TAB1: variants seen among roughly 807,000 people sequenced by gnomAD.
The protein encoded by TAB1 is TGF-beta activated kinase 1 (MAP3K7) binding protein 1, also known as TGF-beta-activated kinase 1 and MAP3K7-binding protein 1.
In TAB1, 30 loss-of-function variants were observed where a neutral mutation model predicts 54.5. The ratio of observed to expected loss-of-function variants is 0.55; its 90% CI spans 0.41 to 0.75. The LOEUF is 0.75. TAB1 is among the 30% of genes least tolerant of loss of function. The probability of loss-of-function intolerance (pLI) is 0.00; values close to 1 mark genes in which losing one functional copy is unlikely to be tolerated. For synonymous variants in TAB1, 289 were observed against 286.9 expected (o/e 1.01, Z -0.07); for missense variants, 609 against 683.2 (o/e 0.89, Z 1.21).
At chr22:39,411,640 G>A (rs535323451) in intron 1 of TAB1, among the ~76,000 whole-genome samples, 104 of 152,262 alleles carry the variant, frequency 6.8e-4, no homozygotes, top group African/African-American at 2.5e-3. Flanking sequence ...AATGCAAATG[G>A]TTCAGCTGCT....
downstream of TAB1, chr22:39,433,374 C>G: frequency 3.5e-6 from 3 of 858,460 alleles, no homozygotes; most frequent in Non-Finnish European, 4.2e-6. Context: ...TAGCGTGAAC[C>G]TGGGAGGCGG....
Position 39,415,764 on chromosome 22 carries a change from C to T in TAB1, c.324+111C>T. 2.9e-6 allele frequency: 4 copies of T among 1,384,960 alleles called. No individual in the cohort carries two copies. The highest frequency in any genetic ancestry group is 2.9e-6 in the Non-Finnish European group (3 of 1,029,854). The allele number at this position is 1,384,960 out of a possible 1,614,324, so 85.8% of individuals were successfully genotyped here. A position where few individuals can be genotyped will look rare whatever the true frequency, so the allele number is the denominator to read the frequency against. Reference sequence around the variant, plus strand: ...GGGTTGGTGTGAAGATCCTGCCGGCCCCTTCACCCCAGTAGAGGAGCAGCT... The same window carrying T: ...GGGTTGGTGTGAAGATCCTGCCGGCTCCTTCACCCCAGTAGAGGAGCAGCT... On this transcript the variant is annotated intron_variant, in intron 3 of 10. Transcript: ENST00000216160. This position sits in a 1 kb window ranked among gnomAD's most constrained non-coding sequence, Gnocchi z 4.9.
At chr22:39,400,592 C>T (rs1926095303) in intron 1 of TAB1, among the ~76,000 whole-genome samples, 2 of 152,212 alleles carry the variant, frequency 1.3e-5, no homozygotes, top group South Asian at 4.1e-4. Flanking sequence ...CCAGGCCCTG[C>T]GTCCTCTGAC....
rs771867605 is a variant in TAB1 at position 39,415,478 on chromosome 22, C to T, written c.171-22C>T. Reference sequence around the variant, plus strand: ...CGTGAGACCCTGGTCTCAGGCCTCCCTCTGCCCTCTCCCTCTTCCAGGAGT... The same window carrying T: ...CGTGAGACCCTGGTCTCAGGCCTCCTTCTGCCCTCTCCCTCTTCCAGGAGT... On this transcript the variant is annotated intron_variant, in intron 2 of 10. Coordinates refer to ENST00000216160, the MANE Select transcript of TAB1 (RefSeq NM_006116.3). This position sits in a 1 kb window ranked among gnomAD's most constrained non-coding sequence, Gnocchi z 4.9. The T allele has an allele frequency of 1.9e-6, 3 of 1,609,060 alleles. No homozygotes were observed. Among genetic ancestry groups the T allele is most frequent in the African/African-American group, 2.7e-5 (2 of 74,960 alleles).
rs770233622 is a variant in TAB1 at position 39,426,691 on chromosome 22, C to T, written c.922-12C>T. On this transcript the variant is annotated splice_polypyrimidine_tract_variant and intron_variant, in intron 8 of 10. Coordinates refer to ENST00000216160, the MANE Select transcript of TAB1 (RefSeq NM_006116.3). ...TCGTTCCTTACCAGGTTCTTCCTAC[C>T]CCCTCCCCCAGGAGATTGCTGCGAT... The T allele has an allele frequency of 1.9e-6, 3 of 1,589,578 alleles. No individual in the cohort carries two copies. Among genetic ancestry groups the T allele is most frequent in the South Asian group, 1.1e-5 (1 of 89,152 alleles).
chr22:39,416,607 C>G, intron 3 of TAB1, 184 bp from the exon 4 acceptor site: 1 of 629,376 alleles, frequency 1.6e-6, no homozygotes, highest in Non-Finnish European at 2.8e-6. Flanking sequence ...AGACATTGAT[C>G]TGCAGGAAGC....
At position 39,421,794 on chromosome 22, in the gene TAB1, A is replaced by C. The variant is rs748059722; in HGVS notation, c.777-33A>C. 3.7e-6 allele frequency: 6 copies of C among 1,613,214 alleles called. No individual in the cohort carries two copies. The Admixed American group carries it at 1.0e-4, about 27-fold the overall frequency. ...CAGCATCCACCTGCGGGCTGTTCCA[A>C]GCAAAGCTCTTCCTTCCACTCTCTC... On this transcript the variant is annotated intron_variant, in intron 7 of 10. Transcript: ENST00000216160.
intron 1 of TAB1, 137 bp downstream of exon 1, chr22:39,399,972 C>T (rs1926058925): frequency 3.0e-6 from 3 of 1,001,654 alleles, no homozygotes; most frequent in African/African-American, 1.7e-5. Flanking sequence ...CTTCTCCTCT[C>T]CTCGGGCTGG....
At chr22:39,424,019 G>C (rs1490435588) in intron 8 of TAB1, among the ~76,000 whole-genome samples, 3 of 151,910 alleles carry the variant, frequency 2.0e-5, no homozygotes, top group Non-Finnish European at 4.4e-5. Flanking sequence ...CTCCCGCCTT[G>C]AGTCTCTAAA....
chr22:39,432,930 C>A (rs916837603), downstream of TAB1: 11 of 985,364 alleles, frequency 1.1e-5, 1 homozygote, highest in Admixed American at 6.1e-4. Flanking sequence ...ACTTAAGGGG[C>A]CAGGAGTCAA....
At chr22:39,424,284 A>C (rs924998513) in intron 8 of TAB1, among the ~76,000 whole-genome samples, 1 of 152,130 alleles carries the variant, frequency 6.6e-6, no homozygotes. Flanking sequence ...TGCAATTGTG[A>C]ATTGTGCTGC....
At chr22:39,408,987 A>C (rs139544224) in intron 1 of TAB1, among the ~76,000 whole-genome samples, 39 of 152,340 alleles carry the variant, frequency 2.6e-4, no homozygotes, top group Admixed American at 9.8e-4. Context: ...CATCGAAGAC[A>C]GGTTTTGCAT....
intron 1 of TAB1, among the ~76,000 whole-genome samples, chr22:39,404,266 G>A (rs1926269708): frequency 6.6e-6 from 1 of 152,222 alleles, no homozygotes; most frequent in Non-Finnish European, 1.5e-5. Context: ...GTTTGATTTT[G>A]CCTGTACTGT....
rs142349637 is a variant in TAB1, at chr22:39,426,140, C to T, written c.922-563C>T. 2.9e-3 allele frequency among the ~76,000 whole-genome samples: 441 copies of T among 152,292 alleles called. 3 individuals carry two copies. The highest frequency in any genetic ancestry group is 9.3e-3 in the African/African-American group (388 of 41,570). On this transcript the variant is annotated intron_variant, in intron 8 of 10. Coordinates refer to ENST00000216160, the MANE Select transcript of TAB1 (RefSeq NM_006116.3). Reference sequence around the variant, plus strand: ...TCCCAAAGTGCTGGGATTACAGGCGCAAGCCACTGTGCCCGGTCAACTTAT... The same window carrying T: ...TCCCAAAGTGCTGGGATTACAGGCGTAAGCCACTGTGCCCGGTCAACTTAT...
chr22:39,414,910 G>A (rs559875379), intron 1 of TAB1, 96 bp from the exon 2 acceptor site: 30 of 1,439,636 alleles, frequency 2.1e-5, no homozygotes, highest in Admixed American at 3.5e-5. Context: ...GTAGGGCTGC[G>A]GGCCTGCTAG....
In TAB1 at chr22:39,428,071, A is replaced by G; in HGVS notation, c.1195A>G (p.Ser399Gly). ...PVSVPYSSAQ[S>G]TSKTSVTLSL... ...GTCTGTGCCATACTCCAGCGCCCAG[A>G]GCACCAGCAAGACCAGCGTGACCCT... Residue 399 changes from serine to glycine, a missense_variant, in exon 10 of 11, where the codon AGC becomes GGC. Coordinates refer to ENST00000216160, the MANE Select transcript of TAB1 (RefSeq NM_006116.3). 6.2e-7 allele frequency: 1 copy of G among 1,613,700 alleles called. No homozygotes were observed. The highest frequency in any genetic ancestry group is 2.2e-5 in the East Asian group (1 of 44,874).
intron 1 of TAB1, among the ~76,000 whole-genome samples, chr22:39,404,924 G>A (rs191155473): frequency 6.6e-6 from 1 of 152,330 alleles, no homozygotes; most frequent in African/African-American, 2.4e-5. Flanking sequence ...GAAGGTTGGA[G>A]GTGGTGGGGG....
At chr22:39,434,455 A>G (rs905926283), downstream of TAB1, among the ~76,000 whole-genome samples, 1 of 152,248 alleles carries the variant, frequency 6.6e-6, no homozygotes, top group Non-Finnish European at 1.5e-5. Context: ...GGCATCTTTC[A>G]TGAGTCTTCC....
intron 7 of TAB1, among the ~76,000 whole-genome samples, chr22:39,421,321 G>A (rs774397643): frequency 6.6e-6 from 1 of 152,146 alleles, no homozygotes; most frequent in Non-Finnish European, 1.5e-5. Context: ...CTTCTGGATG[G>A]TGTTGCCAGC....
Sources: allele counts gnomAD v4.1 joint callset (sites outside exome capture counted in the v4.1 genomes callset), GRCh38; gene constraint gnomAD v4.1.1; non-coding constraint Gnocchi (gnomAD v3.1); transcripts MANE v1.5; gene names NCBI Gene and HGNC (gene_info 2026-07-23, HGNC 2026-07-21).